JAZF1: variants seen among roughly 807,000 people sequenced by gnomAD.
The protein encoded by JAZF1 is juxtaposed with another zinc finger protein 1.
JAZF1 carries 8 observed loss-of-function variants against 26.4 expected under a neutral mutation model. That is an observed-to-expected ratio of 0.30 (90% confidence interval 0.18 to 0.55). The LOEUF (loss-of-function observed/expected upper bound fraction) is 0.55, where lower values mean the gene tolerates loss of function less well. Ranked by LOEUF, JAZF1 falls within the 20% of genes least tolerant of loss-of-function variation. The pLI is 0.94. For missense variants in JAZF1, 199 were observed against 322.0 expected (o/e 0.62, Z 2.92); for synonymous variants, 126 against 122.3 (o/e 1.03, Z -0.20).
In JAZF1 at chr7:27,831,385, G is replaced by A. The variant is rs528133623; in HGVS notation, c.*1415C>T. On this transcript the variant is annotated 3_prime_UTR_variant, in exon 5 of 5. Coordinates refer to ENST00000283928, the MANE Select transcript of JAZF1 (RefSeq NM_175061.4). ...TTTGAGTTTGTTTTATGGGCAGTTA[G>A]CTATCTCAAAGCATTTTTTATTGCA... is the stretch of plus-strand genomic sequence containing the variant. The A allele has an allele frequency of 4.4e-6, 1 of 227,686 alleles. No individual in the cohort carries two copies. The highest frequency in any genetic ancestry group is 1.8e-4 in the South Asian group (1 of 5,480). 14.1% of individuals were successfully genotyped at this position (227,686 alleles called of 1,614,324 possible).
chr7:28,045,037 A>G (rs1783471304), intron 1 of JAZF1, among the ~76,000 whole-genome samples: 1 of 152,156 alleles, frequency 6.6e-6, no homozygotes, highest in Admixed American at 6.5e-5. Flanking sequence ...AGGTGAGACC[A>G]GTGCCTAGCC....
At chr7:27,885,933 AAAAATGTTTTG>A (rs1314521314) in intron 3 of JAZF1, among the ~76,000 whole-genome samples, 1 of 152,210 alleles carries the variant, frequency 6.6e-6, no homozygotes, top group Non-Finnish European at 1.5e-5. Flanking sequence ...GCTTAGAGCA[AAAAATGTTTTG>A]ATTTACATGT....
chr7:27,908,833 G>A (rs1266513951), intron 2 of JAZF1, among the ~76,000 whole-genome samples: 1 of 152,226 alleles, frequency 6.6e-6, no homozygotes, highest in African/African-American at 2.4e-5. Context: ...TTTATAAAAT[G>A]AGGTGTTGCC....
chr7:28,112,572 A>G (rs1259429140), intron 1 of JAZF1, among the ~76,000 whole-genome samples: 1 of 142,652 alleles, frequency 7.0e-6, no homozygotes, highest in Non-Finnish European at 1.5e-5. Flanking sequence ...GGTTTAAGAT[A>G]AGATCAATTA....
At chr7:28,146,301 T>C (rs1783026391) in intron 1 of JAZF1, among the ~76,000 whole-genome samples, 2 of 152,220 alleles carry the variant, frequency 1.3e-5, no homozygotes, top group Admixed American at 6.5e-5. Flanking sequence ...GGAAAACCGT[T>C]TCCCCATTGA....
intron 1 of JAZF1, among the ~76,000 whole-genome samples, chr7:28,033,169 A>G (rs1405345035): frequency 6.6e-6 from 1 of 152,210 alleles, no homozygotes; most frequent in African/African-American, 2.4e-5. Context: ...CTTAGTTGAC[A>G]TAATGCTGAC....
rs151110850 is a variant in JAZF1, at chr7:27,887,691, C to T, written c.385+7529G>A. 7.9e-5 allele frequency among the ~76,000 whole-genome samples: 12 copies of T among 152,312 alleles called. No individual in the cohort carries two copies. In the East Asian group the frequency reaches 2.1e-3, roughly 27 times the overall value. On this transcript the variant is annotated intron_variant, in intron 3 of 4. Transcript: ENST00000283928. ...TTGGACTCCCAAAGTGCTGGGATTA[C>T]AGGCGTGAACCACTGTGCCTGGCCA...
At chr7:28,023,313 A>G (rs1356675457) in intron 1 of JAZF1, among the ~76,000 whole-genome samples, 3 of 152,244 alleles carry the variant, frequency 2.0e-5, no homozygotes, top group Non-Finnish European at 4.4e-5. Flanking sequence ...TCCCTTGCTA[A>G]GCCTTTGCTC....
At chr7:28,127,846 TTCATGAGAACTTGCTCACTA>T (rs1782722006) in intron 1 of JAZF1, among the ~76,000 whole-genome samples, 1 of 152,056 alleles carries the variant, frequency 6.6e-6, no homozygotes, top group African/African-American at 2.4e-5. Context: ...ACCATCAGAT[TTCATGAGAACTTGCTCACTA>T]TCATGAGAAC....
chr7:28,105,770 G>C (rs1323526200), intron 1 of JAZF1, among the ~76,000 whole-genome samples: 4 of 152,200 alleles, frequency 2.6e-5, no homozygotes, highest in African/African-American at 9.7e-5. Flanking sequence ...GCAAGAGGAA[G>C]AGTCTATCAG....
chr7:28,000,608 TTCTTTC>T (rs1329623389), intron 1 of JAZF1, among the ~76,000 whole-genome samples: 4 of 135,730 alleles, frequency 2.9e-5, no homozygotes, highest in East Asian at 2.0e-4. Flanking sequence ...TTTTCTTTCT[TTCTTTC>T]TTTCTTTCTT....
chr7:28,025,341 T>C (rs1447827323), intron 1 of JAZF1, among the ~76,000 whole-genome samples: 31 of 152,220 alleles, frequency 2.0e-4, no homozygotes, highest in Admixed American at 2.0e-3. Context: ...ATTTTCAGTG[T>C]AGGTAATACG....
At chr7:27,885,297 C>T (rs990476587) in intron 3 of JAZF1, among the ~76,000 whole-genome samples, 1 of 152,228 alleles carries the variant, frequency 6.6e-6, no homozygotes, top group African/African-American at 2.4e-5. Flanking sequence ...GTGTGTTCAC[C>T]TGCTGGAAAC....
intron 1 of JAZF1, among the ~76,000 whole-genome samples, chr7:28,056,835 G>A (rs956473147): frequency 1.3e-5 from 2 of 152,110 alleles, no homozygotes; most frequent in African/African-American, 4.8e-5. Context: ...AACTAAGTAA[G>A]GTACAACGAT....
intron 1 of JAZF1, among the ~76,000 whole-genome samples, chr7:28,001,623 G>C (rs1315953875): frequency 6.6e-6 from 1 of 152,220 alleles, no homozygotes; most frequent in Non-Finnish European, 1.5e-5. Flanking sequence ...GAAAGGAGCA[G>C]GGGGTGGCAA....
At chr7:28,031,349 C>T (rs1783185256) in intron 1 of JAZF1, among the ~76,000 whole-genome samples, 1 of 152,066 alleles carries the variant, frequency 6.6e-6, no homozygotes, top group South Asian at 2.1e-4. Flanking sequence ...AGAACAAACA[C>T]CGGCATGGTG....
chr7:27,878,641 G>A lies in JAZF1; in HGVS notation c.385+16579C>T, dbSNP rs142606191. ...TTTTCCTTCTTTGTTTTCTTTAATC[G>A]GGAGGAGTTCGGGGCAGTAACGCAT... On this transcript the variant is annotated intron_variant, in intron 3 of 4. Transcript: ENST00000283928. 2.9e-3 allele frequency among the ~76,000 whole-genome samples: 444 copies of A among 152,156 alleles called. 1 individual carries two copies. Among genetic ancestry groups the A allele is most frequent in the African/African-American group, 0.01 (426 of 41,506 alleles).
intron 2 of JAZF1, among the ~76,000 whole-genome samples, chr7:27,923,032 G>A (rs564259511): frequency 7.7e-4 from 118 of 152,348 alleles, no homozygotes; most frequent in African/African-American, 2.7e-3. Flanking sequence ...TGAGGAGGCC[G>A]TGGTCTGGAG....
intron 2 of JAZF1, among the ~76,000 whole-genome samples, chr7:27,947,560 T>C (rs188844189): frequency 2.0e-5 from 3 of 152,360 alleles, no homozygotes; most frequent in Admixed American, 1.3e-4. Context: ...ACAGTTCACA[T>C]AATTTAGTCA....
Sources: allele counts gnomAD v4.1 joint callset (sites outside exome capture counted in the v4.1 genomes callset), GRCh38; gene constraint gnomAD v4.1.1; transcripts MANE v1.5; gene names NCBI Gene and HGNC (gene_info 2026-07-23, HGNC 2026-07-21).